PTPRT: variants seen among roughly 807,000 people sequenced by gnomAD.
PTPRT encodes protein tyrosine phosphatase receptor type T, also known as receptor-type tyrosine-protein phosphatase T.
PTPRT carries 56 observed loss-of-function variants against 176.8 expected under a neutral mutation model. That is an observed-to-expected ratio of 0.32 (90% confidence interval 0.26 to 0.40). PTPRT has a LOEUF of 0.40. Among genes scored for constraint, PTPRT ranks in the 10% least tolerant of loss-of-function variants. The pLI is 1.00. For missense variants in PTPRT, 1,540 were observed against 1,908.2 expected (o/e 0.81, Z 3.60); for synonymous variants, 783 against 739.0 (o/e 1.06, Z -0.96).
chr20:42,306,249 T>A (rs1282951170), intron 12 of PTPRT, among the ~76,000 whole-genome samples: 1 of 152,170 alleles, frequency 6.6e-6, no homozygotes, highest in African/African-American at 2.4e-5. Context: ...AATTTCTATC[T>A]TACCTAAGGA....
chr20:42,576,004 G>A (rs1281643832), intron 7 of PTPRT, among the ~76,000 whole-genome samples: 1 of 152,078 alleles, frequency 6.6e-6, no homozygotes, highest in Non-Finnish European at 1.5e-5. Context: ...GTTCACCATC[G>A]CTTCCAGAAA....
At chr20:42,742,975 A>G (rs762932099) in intron 6 of PTPRT, among the ~76,000 whole-genome samples, 2 of 152,162 alleles carry the variant, frequency 1.3e-5, no homozygotes, top group African/African-American at 4.8e-5. Flanking sequence ...TTGCTCAGGC[A>G]CAGCAAATTG....
intron 16 of PTPRT, among the ~76,000 whole-genome samples, chr20:42,184,060 C>T (rs1216689485): frequency 2.0e-5 from 3 of 152,120 alleles, no homozygotes; most frequent in Non-Finnish European, 4.4e-5. Flanking sequence ...CCATCCCTGA[C>T]AGATGCCACC....
At chr20:42,093,515 G>C (rs1035388479) in intron 27 of PTPRT, among the ~76,000 whole-genome samples, 1 of 152,194 alleles carries the variant, frequency 6.6e-6, no homozygotes, top group African/African-American at 2.4e-5. Context: ...AAGATTCTGA[G>C]CAGGGGCAGA....
In PTPRT at chr20:42,771,520, T is replaced by A; in HGVS notation, c.599A>T (p.Asn200Ile). The A allele has an allele frequency of 6.2e-7, 1 of 1,614,090 alleles. No individual in the cohort carries two copies. Among genetic ancestry groups the A allele is most frequent in the Non-Finnish European group, 8.5e-7 (1 of 1,179,986 alleles). ...RKAPHFLRLQNVEVNVGQNAT... is the reference protein window; with the variant it reads ...RKAPHFLRLQIVEVNVGQNAT... ...ATTCTGCCCCACATTCACCTCCACG[T>A]TTTGGAGTCGCAGAAAATGAGGTGC... is the stretch of plus-strand genomic sequence containing the variant. The change falls in exon 5 of 31, where the codon AAC becomes ATC. Residue 200 changes from asparagine (N) to isoleucine (I), a missense_variant. Physicochemically the swap from Asn to Ile is moderately radical, Grantham distance 149. This residue lies in a region of PTPRT where 273 missense variants were observed against 432.1 expected (regional missense o/e 0.63). Coordinates refer to ENST00000373187, the MANE Select transcript of PTPRT (RefSeq NM_007050.6).
chr20:43,020,491 A>G (rs1985621516), intron 1 of PTPRT, among the ~76,000 whole-genome samples: 1 of 152,072 alleles, frequency 6.6e-6, no homozygotes, highest in Non-Finnish European at 1.5e-5. Context: ...CATTTGTACA[A>G]TGAGTGCCTG....
intron 13 of PTPRT, among the ~76,000 whole-genome samples, chr20:42,257,154 T>C (rs1255475228): frequency 6.6e-6 from 1 of 152,192 alleles, no homozygotes; most frequent in African/African-American, 2.4e-5. Flanking sequence ...CACCTCTCTT[T>C]GCCACTTTCG....
chr20:43,009,444 A>G (rs1985013844), intron 1 of PTPRT, among the ~76,000 whole-genome samples: 1 of 152,166 alleles, frequency 6.6e-6, no homozygotes, highest in Non-Finnish European at 1.5e-5. Context: ...CTGAGCTGGG[A>G]TGTTGAAAGA....
intron 6 of PTPRT, among the ~76,000 whole-genome samples, chr20:42,718,215 T>C (rs1005443429): frequency 1.3e-5 from 2 of 152,240 alleles, no homozygotes; most frequent in Admixed American, 6.5e-5. Flanking sequence ...TACATTTTGG[T>C]ATATTCATTC....
At position 43,046,437 on chromosome 20, in the gene PTPRT, G is replaced by A. The variant is rs536540052; in HGVS notation, c.88+143209C>T. On this transcript the variant is annotated intron_variant, in intron 1 of 30. Coordinates refer to ENST00000373187, the MANE Select transcript of PTPRT (RefSeq NM_007050.6). ...GAAAAAATTAGCTGGGTGTGGTGGA[G>A]CGCGCCTGTAGTCCCAGCTACTAGG... Among the ~76,000 whole-genome samples, 4 of 131,962 alleles carry A rather than the reference G, an allele frequency of 3.0e-5. No individual in the cohort carries two copies. The East Asian group carries it at 8.4e-4, about 28-fold the overall frequency. 86.6% of individuals were successfully genotyped at this position (131,962 alleles called of 152,430 possible).
intron 1 of PTPRT, among the ~76,000 whole-genome samples, chr20:43,131,148 G>A (rs2013635634): frequency 6.6e-6 from 1 of 152,200 alleles, no homozygotes; most frequent in Admixed American, 6.5e-5. Flanking sequence ...GTATGCCTGG[G>A]CATCCCCAGG....
chr20:42,609,168 G>A (rs1008555333), intron 7 of PTPRT, among the ~76,000 whole-genome samples: 2 of 152,012 alleles, frequency 1.3e-5, no homozygotes, highest in African/African-American at 4.8e-5. Context: ...CCACCTCCTG[G>A]GTTCAAGTGA....
At chr20:42,590,328 C>CA (rs1398610938) in intron 7 of PTPRT, among the ~76,000 whole-genome samples, 2 of 151,832 alleles carry the variant, frequency 1.3e-5, no homozygotes, top group South Asian at 2.1e-4. Context: ...TATGGTTCAT[C>CA]AAAAAAATAA....
intron 18 of PTPRT, among the ~76,000 whole-genome samples, chr20:42,139,543 C>T (rs551293066): frequency 7.9e-5 from 12 of 152,312 alleles, no homozygotes; most frequent in Admixed American, 2.0e-4. Context: ...TTCAGGAGAA[C>T]GGTGAAGAAG....
intron 6 of PTPRT, among the ~76,000 whole-genome samples, chr20:42,719,884 G>A (rs1250321738): frequency 6.6e-6 from 1 of 152,202 alleles, no homozygotes; most frequent in Non-Finnish European, 1.5e-5. Flanking sequence ...AAGAACGGAT[G>A]TGGAGAAAGA....
chr20:42,699,519 C>T (rs1351684682), intron 6 of PTPRT, among the ~76,000 whole-genome samples: 1 of 152,106 alleles, frequency 6.6e-6, no homozygotes, highest in Non-Finnish European at 1.5e-5. Context: ...AATATGCACT[C>T]TCATTTGAAA....
intron 6 of PTPRT, 119 bp downstream of exon 6, chr20:42,756,343 A>C: frequency 9.0e-7 from 1 of 1,111,570 alleles, no homozygotes; most frequent in Non-Finnish European, 1.2e-6. Flanking sequence ...CAGAGTGACT[A>C]GAAATTAATC....
At chr20:42,289,937 T>G (rs577602232) in intron 12 of PTPRT, among the ~76,000 whole-genome samples, 29 of 152,080 alleles carry the variant, frequency 1.9e-4, no homozygotes, top group Non-Finnish European at 3.7e-4. Context: ...CAACTTTAAT[T>G]CCATAACCAA....
chr20:42,486,819 G>C (rs956641430), intron 7 of PTPRT, among the ~76,000 whole-genome samples: 4 of 152,074 alleles, frequency 2.6e-5, no homozygotes, highest in African/African-American at 9.7e-5. Context: ...GAATGCACCA[G>C]AGCCGAGCCA....
Sources: allele counts gnomAD v4.1 joint callset (sites outside exome capture counted in the v4.1 genomes callset), GRCh38; gene constraint gnomAD v4.1.1; regional missense constraint gnomAD v4.1.1; transcripts MANE v1.5; gene names NCBI Gene and HGNC (gene_info 2026-07-23, HGNC 2026-07-21).